GTF3C1: variants seen among roughly 807,000 people sequenced by gnomAD.
The protein encoded by GTF3C1 is general transcription factor IIIC subunit 1.
Under a neutral mutation model 226.7 loss-of-function variants are expected in GTF3C1, and 57 were observed. The ratio of observed to expected loss-of-function variants is 0.25; its 90% CI spans 0.20 to 0.31. The LOEUF is 0.31. GTF3C1 is among the 10% of genes least tolerant of loss of function. GTF3C1 has a pLI of 1.00. For missense variants in GTF3C1, 2,217 were observed against 2,776.1 expected (o/e 0.80, Z 4.53); for synonymous variants, 1,090 against 1,084.8 (o/e 1.00, Z -0.09).
intron 32 of GTF3C1, among the ~76,000 whole-genome samples, chr16:27,467,336 A>G (rs1210058610): frequency 3.9e-5 from 6 of 152,234 alleles, no homozygotes; most frequent in African/African-American, 1.4e-4. Context: ...AAGCTGGATG[A>G]CAGCACATCT....
At chr16:27,477,013 A>C (rs944330465) in intron 28 of GTF3C1, among the ~76,000 whole-genome samples, 1 of 152,184 alleles carries the variant, frequency 6.6e-6, no homozygotes, top group Admixed American at 6.5e-5. Flanking sequence ...TTGGCCAGTG[A>C]TATTCAAGGC....
Position 27,498,780 on chromosome 16 carries a change from G to A in GTF3C1, c.2062-47C>T, listed in dbSNP as rs371777670. 33 of 866,426 alleles carry A rather than the reference G, an allele frequency of 3.8e-5. No individual in the cohort carries two copies. The African/African-American group carries it at 9.4e-4, about 25-fold the overall frequency. The allele number at this position is 866,426 out of a possible 1,614,324, so 53.7% of individuals were successfully genotyped here. A position where few individuals can be genotyped will look rare whatever the true frequency, so the allele number is the denominator to read the frequency against. ...TCCCACAGGGTGAGGGAAGAGCTGA[G>A]GAAGACTTGGCTCCACAGTCGATTC... On this transcript the variant is annotated intron_variant, in intron 12 of 36. Coordinates refer to ENST00000356183, the MANE Select transcript of GTF3C1 (RefSeq NM_001520.4).
At chr16:27,514,216 CG>C (rs1235229239) in intron 6 of GTF3C1, among the ~76,000 whole-genome samples, 1 of 152,190 alleles carries the variant, frequency 6.6e-6, no homozygotes, top group Non-Finnish European at 1.5e-5. Context: ...TCTAAGGCCC[CG>C]GCGCAAGCCT....
intron 11 of GTF3C1, among the ~76,000 whole-genome samples, chr16:27,502,574 A>G (rs889360048): frequency 2.0e-5 from 3 of 152,108 alleles, no homozygotes; most frequent in Admixed American, 2.0e-4. Flanking sequence ...AGCTGAACGC[A>G]CTTTCCCTGT....
intron 32 of GTF3C1, 147 bp from the exon 33 acceptor site, chr16:27,465,687 C>T: frequency 1.6e-6 from 1 of 643,380 alleles, no homozygotes; most frequent in Non-Finnish European, 2.7e-6. Flanking sequence ...TGGGTGGACA[C>T]ACTGGGCCCC....
At chr16:27,496,763 T>A (rs2088324305) in intron 14 of GTF3C1, among the ~76,000 whole-genome samples, 1 of 152,194 alleles carries the variant, frequency 6.6e-6, no homozygotes, top group Non-Finnish European at 1.5e-5. Context: ...GTTGCTTGAT[T>A]TTCCCCAGTG....
chr16:27,509,216 G>A (rs979720976), intron 7 of GTF3C1, among the ~76,000 whole-genome samples: 1 of 152,186 alleles, frequency 6.6e-6, no homozygotes, highest in African/African-American at 2.4e-5. Flanking sequence ...TAAATGACTC[G>A]CAGACCACTG....
rs1190640626 is a variant in GTF3C1 at position 27,465,648 on chromosome 16, C to G, written c.5075-108G>C. 8.1e-6 allele frequency: 7 copies of G among 867,326 alleles called. No homozygotes were observed. In the African/African-American group the frequency reaches 1.2e-4, roughly 15 times the overall value. The allele number at this position is 867,326 out of a possible 1,614,324, so 53.7% of individuals were successfully genotyped here. On this transcript the variant is annotated intron_variant, in intron 32 of 36. Transcript: ENST00000356183. The stretch of plus-strand genomic sequence containing the variant: ...GGCATGCTCCAGCACCAACTCACTG[C>G]TTCCCCGACAGCCACAGGGGTCACC...
At chr16:27,526,737 T>C (rs941538097) in intron 6 of GTF3C1, among the ~76,000 whole-genome samples, 1 of 152,234 alleles carries the variant, frequency 6.6e-6, no homozygotes, top group African/African-American at 2.4e-5. Context: ...GTATTCTTTG[T>C]AGTTGAGGGT....
intron 29 of GTF3C1, among the ~76,000 whole-genome samples, chr16:27,474,657 C>T (rs537656642): frequency 6.6e-6 from 1 of 152,294 alleles, no homozygotes; most frequent in South Asian, 2.1e-4. Context: ...TTATTTGGAA[C>T]TTCACCCAAT....
At chr16:27,466,710 A>C (rs1255845433) in intron 32 of GTF3C1, among the ~76,000 whole-genome samples, 2 of 152,250 alleles carry the variant, frequency 1.3e-5, no homozygotes, top group African/African-American at 2.4e-5. Context: ...AAGGCAAAGG[A>C]AAAGTTCTTG....
At chr16:27,484,596 G>A (rs972106875) in intron 24 of GTF3C1, among the ~76,000 whole-genome samples, 6 of 152,084 alleles carry the variant, frequency 3.9e-5, no homozygotes, top group African/African-American at 9.7e-5. Context: ...TTTAGCAAGC[G>A]CCATGTGTGA....
rs747999292 is a variant in GTF3C1 at position 27,470,400 on chromosome 16, A to G, written c.4527-5T>C. ...GGAAATCGCCACGTAAAAATCCTACAGACAAAAAGAAAGGAAGGGCCTGAC... is the reference window on the plus strand; with the variant it reads ...GGAAATCGCCACGTAAAAATCCTACGGACAAAAAGAAAGGAAGGGCCTGAC... On this transcript the variant is annotated splice_region_variant and splice_polypyrimidine_tract_variant and intron_variant, in intron 30 of 36. Coordinates refer to ENST00000356183, the MANE Select transcript of GTF3C1 (RefSeq NM_001520.4). This position sits in a 1 kb window ranked among gnomAD's most constrained non-coding sequence, Gnocchi z 4.9. 1 of 1,611,482 alleles carries G rather than the reference A, an allele frequency of 6.2e-7. No individual in the cohort carries two copies. The highest frequency in any genetic ancestry group is 8.5e-7 in the Non-Finnish European group (1 of 1,178,502).
intron 16 of GTF3C1, 34 bp downstream of exon 16, chr16:27,494,729 C>T: frequency 6.4e-7 from 1 of 1,566,488 alleles, no homozygotes; most frequent in Non-Finnish European, 8.8e-7. Context: ...AGCTGAGGGG[C>T]AATTCCTGTG....
At chr16:27,524,114 A>AT (rs1219095632) in intron 6 of GTF3C1, among the ~76,000 whole-genome samples, 1 of 152,240 alleles carries the variant, frequency 6.6e-6, no homozygotes, top group Non-Finnish European at 1.5e-5. Flanking sequence ...GGCAAATGAC[A>AT]TACCAGCATG....
intron 16 of GTF3C1, among the ~76,000 whole-genome samples, chr16:27,493,523 T>C (rs2088264553): frequency 6.6e-6 from 1 of 152,218 alleles, no homozygotes; most frequent in Non-Finnish European, 1.5e-5. Flanking sequence ...GGTGCCCTCA[T>C]ACCCTGCTGG....
intron 1 of GTF3C1, 99 bp downstream of exon 1, chr16:27,549,571 T>C (rs2089242450): frequency 1.4e-6 from 1 of 731,246 alleles, no homozygotes; most frequent in East Asian, 2.7e-5. Flanking sequence ...CTCCGGTACT[T>C]GCACAGCCCC....
chr16:27,480,502 T>C (rs1383874658), intron 27 of GTF3C1, among the ~76,000 whole-genome samples: 1 of 152,196 alleles, frequency 6.6e-6, no homozygotes, highest in African/African-American at 2.4e-5. Context: ...AAGGGTGCTG[T>C]ACAGTTCACA....
chr16:27,505,287 T>C (rs2088467211), intron 10 of GTF3C1, among the ~76,000 whole-genome samples: 2 of 152,266 alleles, frequency 1.3e-5, no homozygotes, highest in Middle Eastern at 3.2e-3. Context: ...ATCTATTCTA[T>C]GATTACTTTC....
Sources: gnomAD v4.1 joint callset for allele counts (sites outside exome capture counted in the v4.1 genomes callset) on GRCh38, gnomAD v4.1.1 for gene constraint, Gnocchi (gnomAD v3.1) non-coding constraint, MANE v1.5 for transcripts, NCBI Gene and HGNC (gene_info 2026-07-23, HGNC 2026-07-21) for gene names.